Variants in TPST1 observed in about 807,000 individuals in gnomAD.
TPST1 encodes the protein tyrosylprotein sulfotransferase 1, also known as protein-tyrosine sulfotransferase 1.
TPST1 carries 20 observed loss-of-function variants against 34.8 expected under a neutral mutation model. That is an observed-to-expected ratio of 0.57 (90% CI 0.40 to 0.84). The LOEUF (loss-of-function observed/expected upper bound fraction) is 0.84, where lower values mean the gene tolerates loss of function less well. Ranked by LOEUF, TPST1 falls within the 40% of genes least tolerant of loss-of-function variation. The pLI is 0.00. For synonymous variants in TPST1, 152 were observed against 159.4 expected, an observed-to-expected ratio of 0.95 and a Z score of 0.35; for missense variants, 353 against 455.5, an observed-to-expected ratio of 0.78 and a Z score of 2.05.
chr7:66,334,488 T>G (rs986901579), intron 3 of TPST1, among the ~76,000 whole-genome samples: 8 of 151,524 alleles, frequency 5.3e-5, no homozygotes, highest in African/African-American at 1.9e-4. Flanking sequence ...ATACAAACAT[T>G]AGCTGGGCAT....
At chr7:66,320,245 C>CTTTTTTTT (rs569746911) in intron 3 of TPST1, among the ~76,000 whole-genome samples, 13 of 126,382 alleles carry the variant, frequency 1.0e-4, no homozygotes, top group Non-Finnish European at 1.5e-4. Flanking sequence ...TTTTCTTTTT[C>CTTTTTTTT]TTTTTTTTTT....
At chr7:66,265,782 A>G (rs191825785) in intron 2 of TPST1, among the ~76,000 whole-genome samples, 114 of 152,214 alleles carry the variant, frequency 7.5e-4, no homozygotes, top group Non-Finnish European at 1.3e-3. Flanking sequence ...GGGTAACCTC[A>G]GTAAGATGAA....
At chr7:66,247,755 C>G (rs890261188) in intron 2 of TPST1, among the ~76,000 whole-genome samples, 71 of 152,276 alleles carry the variant, frequency 4.7e-4, no homozygotes, top group African/African-American at 1.7e-3. Flanking sequence ...AGAAATGTTA[C>G]TCCTGGGAGA....
chr7:66,205,386 G>C lies in TPST1; in HGVS notation c.-238G>C, dbSNP rs1458788571. On this transcript the variant is annotated 5_prime_UTR_variant, in exon 1 of 6. Transcript: ENST00000304842. This position sits in a 1 kb window ranked among gnomAD's most constrained non-coding sequence, Gnocchi z 5.0. ...GGGTCGGAACGGCGCTGCTCTGCGGGGCCGGTCCAGGCTGGCAGCTGCCGG... is the reference window on the plus strand; with the variant it reads ...GGGTCGGAACGGCGCTGCTCTGCGGCGCCGGTCCAGGCTGGCAGCTGCCGG... 1 of 152,330 alleles carries C rather than the reference G, an allele frequency of 6.6e-6. No individual in the cohort carries two copies. The highest frequency in any genetic ancestry group is 1.5e-5 in the Non-Finnish European group (1 of 68,140). 9.4% of individuals were successfully genotyped at this position (152,330 alleles called of 1,614,324 possible).
rs562159992 is a variant in TPST1 at position 66,208,754 on chromosome 7, C to G, written c.-102+3232C>G. Among the ~76,000 whole-genome samples, 8 of 152,026 alleles carry G rather than the reference C, an allele frequency of 5.3e-5. No individual in the cohort carries two copies. The East Asian group carries it at 1.6e-3, about 30-fold the overall frequency. Reference sequence around the variant, plus strand: ...AAAGTGCTGGGATTACAGGCGTGAGCCACTGTGCCCAGCCCATTTTTACTA... The same window carrying G: ...AAAGTGCTGGGATTACAGGCGTGAGGCACTGTGCCCAGCCCATTTTTACTA... On this transcript the variant is annotated intron_variant, in intron 1 of 5. Transcript: ENST00000304842.
At chr7:66,208,337 A>G (rs1789173943) in intron 1 of TPST1, among the ~76,000 whole-genome samples, 1 of 152,180 alleles carries the variant, frequency 6.6e-6, no homozygotes, top group Non-Finnish European at 1.5e-5. Flanking sequence ...GAGAGTGAGG[A>G]CAAGTTTCTG....
At chr7:66,247,655 T>C (rs774204176) in intron 2 of TPST1, among the ~76,000 whole-genome samples, 8 of 152,224 alleles carry the variant, frequency 5.3e-5, no homozygotes, top group Non-Finnish European at 1.2e-4. Context: ...GGGAATATTG[T>C]GCTCCCTGGG....
intron 3 of TPST1, among the ~76,000 whole-genome samples, chr7:66,326,707 C>A (rs1791874215): frequency 6.6e-6 from 1 of 152,214 alleles, no homozygotes; most frequent in East Asian, 1.9e-4. Flanking sequence ...ACTCAATTCA[C>A]ATTCCAATCC....
At chr7:66,199,944 A>G in the TPST1 span, among the ~76,000 whole-genome samples, 1 of 151,502 alleles carries the variant, frequency 6.6e-6, no homozygotes, top group Non-Finnish European at 1.5e-5. Context: ...GCTGGCCAGG[A>G]TGGTCTTGAT....
intron 1 of TPST1, among the ~76,000 whole-genome samples, chr7:66,223,214 A>T (rs1029035829): frequency 1.3e-5 from 2 of 152,080 alleles, no homozygotes; most frequent in South Asian, 4.1e-4. Context: ...TGGGAGGCTG[A>T]TGTGGGAGGA....
intron 2 of TPST1, among the ~76,000 whole-genome samples, chr7:66,268,985 A>C (rs1475784587): frequency 1.3e-5 from 2 of 152,252 alleles, no homozygotes; most frequent in Non-Finnish European, 2.9e-5. Flanking sequence ...CGCCCGGCCT[A>C]TAAAAGACAT....
chr7:66,354,522 CAAAAAAAAAAAA>C (rs66521537), intron 4 of TPST1, among the ~76,000 whole-genome samples: 9 of 60,794 alleles, frequency 1.5e-4, no homozygotes, highest in South Asian at 6.4e-4. Flanking sequence ...GAGTCTGTCT[CAAAAAAAAAAAA>C]AAAAAAAAAA....
intron 1 of TPST1, among the ~76,000 whole-genome samples, chr7:66,228,325 T>A (rs1403408940): frequency 1.3e-5 from 2 of 152,216 alleles, no homozygotes; most frequent in Non-Finnish European, 2.9e-5. Context: ...ATTTTCTTGC[T>A]CTCTTTCAGC....
chr7:66,308,231 G>A (rs1791461926), intron 3 of TPST1, among the ~76,000 whole-genome samples: 1 of 152,172 alleles, frequency 6.6e-6, no homozygotes, highest in African/African-American at 2.4e-5. Flanking sequence ...AAAAGGGAGA[G>A]TAATGATCTC....
chr7:66,276,650 T>G (rs1790823910), intron 2 of TPST1, among the ~76,000 whole-genome samples: 1 of 152,048 alleles, frequency 6.6e-6, no homozygotes, highest in African/African-American at 2.4e-5. Context: ...AACTCTTGTC[T>G]TCCTTCTAGT....
intron 3 of TPST1, among the ~76,000 whole-genome samples, chr7:66,328,906 A>ATATTTTTTTTT: frequency 2.3e-4 from 3 of 13,158 alleles, no homozygotes; most frequent in Admixed American, 1.2e-3. Context: ...ATATATATAT[A>ATATTTTTTTTT]TTTTTTTTTT....
intron 5 of TPST1, 113 bp from the exon 6 acceptor site, chr7:66,359,782 C>T (rs1416506242): frequency 4.7e-6 from 2 of 427,850 alleles, no homozygotes; most frequent in Non-Finnish European, 9.7e-6. Flanking sequence ...CTGCAGGAAC[C>T]TCCCCAACCG....
chr7:66,350,046 G>A (rs1022781364), intron 3 of TPST1, among the ~76,000 whole-genome samples: 1 of 152,032 alleles, frequency 6.6e-6, no homozygotes, highest in African/African-American at 2.4e-5. Context: ...ATGGAGTTTC[G>A]CTCTTGTTGC....
intron 2 of TPST1, among the ~76,000 whole-genome samples, chr7:66,253,345 A>G (rs552361474): frequency 2.3e-4 from 35 of 149,688 alleles, no homozygotes; most frequent in Admixed American, 1.9e-3. Context: ...CCATGTATGC[A>G]TTATTCTTTT....
Sources: allele counts gnomAD v4.1 joint callset (sites outside exome capture counted in the v4.1 genomes callset), GRCh38; gene constraint gnomAD v4.1.1; non-coding constraint Gnocchi (gnomAD v3.1); transcripts MANE v1.5; gene names NCBI Gene and HGNC (gene_info 2026-07-23, HGNC 2026-07-21).